The following STAP2 variants were observed in gnomAD, a reference collection of about 807,000 sequenced individuals.
STAP2 encodes signal transducing adaptor family member 2.
Under a neutral mutation model 52.7 loss-of-function variants are expected in STAP2, and 58 were observed. The ratio of observed to expected loss-of-function variants is 1.10; its 90% confidence interval spans 0.89 to 1.37. STAP2 has a LOEUF of 1.37. STAP2 is among the 40% of genes most tolerant of loss of function. The probability of loss-of-function intolerance (pLI) is 0.00; values close to 1 mark genes in which losing one functional copy is unlikely to be tolerated. For missense variants in STAP2, 522 were observed against 519.4 expected, an observed-to-expected ratio of 1.00 and a Z score of -0.05; for synonymous variants, 231 against 210.5, an observed-to-expected ratio of 1.10 and a Z score of -0.84.
chr19:4,325,894 G>C (rs1971785022), intron 9 of STAP2, among the ~76,000 whole-genome samples: 1 of 152,030 alleles, frequency 6.6e-6, no homozygotes, highest in Admixed American at 6.6e-5. Context: ...GCTTGAACCT[G>C]GGAGGGAGAG....
chr19:4,330,646 CAGGGAAATCAG>C (rs977188098), intron 4 of STAP2, among the ~76,000 whole-genome samples: 10 of 149,936 alleles, frequency 6.7e-5, no homozygotes, highest in Admixed American at 4.0e-4. Context: ...AGGTAGGAAA[CAGGGAAATCAG>C]AGGGAAATCA....
intron 4 of STAP2, among the ~76,000 whole-genome samples, chr19:4,330,943 G>C (rs1053085597): frequency 2.6e-5 from 4 of 151,902 alleles, no homozygotes; most frequent in African/African-American, 9.7e-5. Flanking sequence ...TTGATCTCCT[G>C]ACCTCATGAT....
At chr19:4,325,752 CCT>C (rs1971782313) in intron 9 of STAP2, among the ~76,000 whole-genome samples, 2 of 152,266 alleles carry the variant, frequency 1.3e-5, no homozygotes, top group Non-Finnish European at 2.9e-5. Flanking sequence ...GGGCGGATCA[CCT>C]GAGGTCAGGG....
At chr19:4,330,581 A>C (rs1276139399) in intron 4 of STAP2, among the ~76,000 whole-genome samples, 1 of 151,638 alleles carries the variant, frequency 6.6e-6, no homozygotes, top group Non-Finnish European at 1.5e-5. Flanking sequence ...CTAGGGTCTC[A>C]AACTAAAGTC....
intron 6 of STAP2, 83 bp downstream of exon 6, chr19:4,328,592 C>T (rs1971834603): frequency 6.6e-7 from 1 of 1,517,750 alleles, no homozygotes; most frequent in African/African-American, 1.4e-5. Flanking sequence ...GGTCGGACTC[C>T]GCCCCTGCTT....
chr19:4,328,644 C>T (rs976199479), intron 6 of STAP2, 31 bp downstream of exon 6: 1 of 1,569,518 alleles, frequency 6.4e-7, no homozygotes, highest in Non-Finnish European at 8.6e-7. Context: ...ACCCTCCTCC[C>T]ACCCAGGGCT....
At chr19:4,328,526 C>G (rs1243737577) in intron 6 of STAP2, 149 bp downstream of exon 6, 2 of 1,121,928 alleles carry the variant, frequency 1.8e-6, no homozygotes, top group Admixed American at 2.4e-5. Context: ...AGCTCTGACT[C>G]CGTCCCCAGA....
At chr19:4,328,117 G>C (rs1277622966) in intron 6 of STAP2, 1 of 168,958 alleles carries the variant, frequency 5.9e-6, no homozygotes. Context: ...CCTAACCCAA[G>C]ACCTGGCTCT....
intron 1 of STAP2, among the ~76,000 whole-genome samples, chr19:4,334,859 A>C (rs1971952508): frequency 2.5e-5 from 1 of 40,068 alleles, no homozygotes; most frequent in Non-Finnish European, 5.1e-5. Context: ...CCACTCATCT[A>C]TCAATGCATC....
chr19:4,333,963 C>T lies in STAP2; in HGVS notation c.174+10G>A. On this transcript the variant is annotated intron_variant, in intron 2 of 12. Transcript: ENST00000594605. ...AAGGCCTGCTCTGGAGCCTCCATTC[C>T]CATCCTTACCTGGAAGTCCCGATTG... The T allele has an allele frequency of 6.2e-7, 1 of 1,612,982 alleles. No individual in the cohort carries two copies. Among genetic ancestry groups the T allele is most frequent in the Non-Finnish European group, 8.5e-7 (1 of 1,179,528 alleles).
At chr19:4,329,083 C>T (rs914445574) in intron 5 of STAP2, 36 of 406,524 alleles carry the variant, frequency 8.9e-5, no homozygotes, top group Admixed American at 1.3e-4. Flanking sequence ...TCACCGCAAC[C>T]TCCGCCTCCC....
At chr19:4,326,889 G>A in intron 9 of STAP2, 53 bp downstream of exon 9, 1 of 1,545,198 alleles carries the variant, frequency 6.5e-7, no homozygotes. Context: ...GGGCGTGGCT[G>A]AATGCGGGGT....
intron 9 of STAP2, 55 bp from the exon 10 acceptor site, chr19:4,325,600 A>C: frequency 6.6e-7 from 1 of 1,519,464 alleles, no homozygotes; most frequent in Non-Finnish European, 8.8e-7. Context: ...GACACCTTGC[A>C]GGTTGGCGGG....
chr19:4,336,701 C>A (rs1971986183), intron 1 of STAP2, among the ~76,000 whole-genome samples: 1 of 151,460 alleles, frequency 6.6e-6, no homozygotes, highest in South Asian at 2.1e-4. Context: ...ATGGCTTGAT[C>A]TTGACTCACT....
intron 3 of STAP2, among the ~76,000 whole-genome samples, chr19:4,333,296 G>A (rs1377005330): frequency 1.3e-5 from 2 of 151,850 alleles, no homozygotes; most frequent in Non-Finnish European, 1.5e-5. Flanking sequence ...GGAGTTCCAG[G>A]CCAGCATGGC....
At chr19:4,329,000 G>T (rs374454619) in intron 5 of STAP2, 191 bp from the exon 6 acceptor site, 27 of 723,092 alleles carry the variant, frequency 3.7e-5, no homozygotes, top group African/African-American at 1.9e-4. Flanking sequence ...TTTTTGTGGG[G>T]TTTTTTGTTT....
intron 6 of STAP2, 61 bp from the exon 7 acceptor site, chr19:4,327,446 AGGC>A: frequency 1.9e-6 from 3 of 1,580,878 alleles, no homozygotes; most frequent in Non-Finnish European, 2.6e-6. Flanking sequence ...CCCTCAGGGA[AGGC>A]CCCGCCCCAA....
At chr19:4,333,624 T>G in intron 3 of STAP2, 70 bp downstream of exon 3, 1 of 1,527,814 alleles carries the variant, frequency 6.5e-7, no homozygotes, top group Non-Finnish European at 8.7e-7. Flanking sequence ...GTTGGCACAA[T>G]GGAGGGTAGG....
intron 1 of STAP2, among the ~76,000 whole-genome samples, chr19:4,336,896 A>G (rs1971989025): frequency 6.6e-6 from 1 of 151,928 alleles, no homozygotes; most frequent in South Asian, 2.1e-4. Context: ...CGGCCTCCCA[A>G]AGTGCTGGGA....
Sources: allele counts gnomAD v4.1 joint callset (sites outside exome capture counted in the v4.1 genomes callset), GRCh38; gene constraint gnomAD v4.1.1; transcripts MANE v1.5; gene names NCBI Gene and HGNC (gene_info 2026-07-23, HGNC 2026-07-21).